Variants in NEURL4 observed in about 807,000 individuals in gnomAD.
NEURL4 encodes neuralized-like protein 4.
A neutral mutation model predicts 148.0 loss-of-function variants in NEURL4; 45 were observed. The observed-to-expected ratio is 0.30, with a 90% confidence interval of 0.24 to 0.39. The LOEUF (loss-of-function observed/expected upper bound fraction) is 0.39. Ranked by LOEUF, NEURL4 falls within the 10% of genes least tolerant of loss-of-function variation. The pLI is 1.00. For synonymous variants in NEURL4, 854 were observed against 869.0 expected, an observed-to-expected ratio of 0.98 and a Z score of 0.30; for missense variants, 1,776 against 2,144.0, an observed-to-expected ratio of 0.83 and a Z score of 3.39.
chr17:7,323,624 C>T (rs1419744462), intron 13 of NEURL4, 23 bp downstream of exon 13: 1 of 1,613,694 alleles, frequency 6.2e-7, no homozygotes, highest in South Asian at 1.1e-5. Context: ...CAACAGCCCC[C>T]AACACACACA....
In NEURL4 at chr17:7,325,260, C is replaced by G; in HGVS notation, c.1580G>C (p.Cys527Ser). Residue 527 changes from cysteine (C) to serine (S), a missense_variant, in exon 8 of 29, where the codon TGT becomes TCT. Physicochemically the swap from Cys to Ser is moderately radical, Grantham distance 112. Coordinates refer to ENST00000399464, the MANE Select transcript of NEURL4 (RefSeq NM_032442.3). ...GTGGGTGATGGCTGCCTTCTGCCCA[C>G]AGTTGGGGTGGAAGAGCAGGCGCTC... ...EPERLLFHPNCGQKAAITHEG... is the reference protein window; with the variant it reads ...EPERLLFHPNSGQKAAITHEG... The G allele has an allele frequency of 6.2e-7, 1 of 1,607,322 alleles. No homozygotes were observed. Among genetic ancestry groups the G allele is most frequent in the Non-Finnish European group, 8.5e-7 (1 of 1,177,674 alleles).
Position 7,317,377 on chromosome 17 carries a change from G to T in NEURL4, c.4319-7C>A, listed in dbSNP as rs1437206810. 1 of 1,586,002 alleles carries T rather than the reference G, an allele frequency of 6.3e-7. No homozygotes were observed. Among genetic ancestry groups the T allele is most frequent in the South Asian group, 1.1e-5 (1 of 87,010 alleles). On this transcript the variant is annotated splice_region_variant and splice_polypyrimidine_tract_variant and intron_variant, in intron 27 of 28. Transcript: ENST00000399464. ...CTCAGGATGGAGGCAGTACCTGGGA[G>T]GAGAACTGGGTCAGGATAGCCCTTT... is the stretch of plus-strand genomic sequence containing the variant.
In NEURL4 at chr17:7,321,599, G is replaced by A; in HGVS notation, c.3060C>T (p.Leu1020=). ...SSCEVRRDGQ[L]QRMNYGRNLE... ...GGTTCCGGCCATAGTTCATCCTCTG[G>A]AGCTGCCCATCACGCCTCACTTCAC... is the stretch of plus-strand genomic sequence containing the variant. The change falls in exon 18 of 29, where the codon CTC becomes CTT. Residue 1020 remains leucine, a synonymous_variant. Coordinates refer to ENST00000399464, the MANE Select transcript of NEURL4 (RefSeq NM_032442.3). The surrounding 1 kb of genome is among the most constrained non-coding windows in gnomAD (Gnocchi z 6.3). 1 of 1,613,992 alleles carries A rather than the reference G, an allele frequency of 6.2e-7. No individual in the cohort carries two copies. Among genetic ancestry groups the A allele is most frequent in the Non-Finnish European group, 8.5e-7 (1 of 1,180,012 alleles).
chr17:7,324,681 CTGAA>C lies in NEURL4; in HGVS notation c.1813+114_1813+117del, dbSNP rs1170466079. On this transcript the variant is annotated intron_variant, in intron 9 of 28. Transcript: ENST00000399464. This position sits in a 1 kb window ranked among gnomAD's most constrained non-coding sequence, Gnocchi z 5.9. ...CTGCCCACGGGACACTCTCTAGCCA[CTGAA>C]TGAGTGGTCACAAGAGTGACAAGTG... 6 of 1,232,410 alleles carry C rather than the reference CTGAA, an allele frequency of 4.9e-6. No individual in the cohort carries two copies. The East Asian group carries it at 1.2e-4, about 24-fold the overall frequency. The allele number at this position is 1,232,410 out of a possible 1,614,324, so 76.3% of individuals were successfully genotyped here.
chr17:7,327,066 C>T lies in NEURL4; in HGVS notation c.794-57G>A. The T allele has an allele frequency of 6.2e-7, 1 of 1,600,772 alleles. No homozygotes were observed. ...GAAGTTGGGATGAGGCTCTACACCC[C>T]CAGACCTGGTGCCTCTCTCCCTACC... On this transcript the variant is annotated intron_variant, in intron 3 of 28. Transcript: ENST00000399464. The surrounding 1 kb of genome is among the most constrained non-coding windows in gnomAD (Gnocchi z 6.6).
Position 7,322,802 on chromosome 17 carries a change from G to T in NEURL4, c.2658C>A (p.Gly886=). The stretch of plus-strand genomic sequence containing the variant: ...TGGTCGCCAGGCTGTTGTCCATGGG[G>T]CCGGTGGCATTGGTGATGGACACTT... ...CVQVSITNAT[G]PMDNSLATSN... Residue 886 remains glycine (G), a synonymous_variant, in exon 16 of 29, where the codon GGC becomes GGA. Transcript: ENST00000399464. This position sits in a 1 kb window ranked among gnomAD's most constrained non-coding sequence, Gnocchi z 5.5. 6 of 1,614,048 alleles carry T rather than the reference G, an allele frequency of 3.7e-6. No homozygotes were observed. The highest frequency in any genetic ancestry group is 5.1e-6 in the Non-Finnish European group (6 of 1,179,996).
At chr17:7,316,447 C>CCGA in intron 28 of NEURL4, 120 bp from the exon 29 acceptor site, 3 of 744,784 alleles carry the variant, frequency 4.0e-6, no homozygotes, top group Non-Finnish European at 6.7e-6. Context: ...CTTATGGGAA[C>CCGA]TTCGCTCTAG....
Position 7,321,311 on chromosome 17 carries a change from CAGA to C in NEURL4, c.3199-41_3199-39del, listed in dbSNP as rs1027966651. ...CAAGACCCAGAAAATCAGAGATCAG[CAGA>C]AGACCTCAACCATCCTCCCAGAACC... On this transcript the variant is annotated intron_variant, in intron 19 of 28. Transcript: ENST00000399464. This position sits in a 1 kb window ranked among gnomAD's most constrained non-coding sequence, Gnocchi z 6.3. 1.9e-6 allele frequency: 3 copies of C among 1,613,294 alleles called. No individual in the cohort carries two copies. The African/African-American group carries it at 4.0e-5, about 22-fold the overall frequency.
In NEURL4 at chr17:7,325,281, C is replaced by A. The variant is rs757076319; in HGVS notation, c.1559G>T (p.Arg520Leu). 1.2e-6 allele frequency: 2 copies of A among 1,608,166 alleles called. No homozygotes were observed. The highest frequency in any genetic ancestry group is 1.7e-6 in the Non-Finnish European group (2 of 1,177,778). Residue 520 changes from arginine to leucine, a missense_variant, in exon 8 of 29, where the codon CGC becomes CTC. Coordinates refer to ENST00000399464, the MANE Select transcript of NEURL4 (RefSeq NM_032442.3). ...AAPAAQAEPE[R>L]LLFHPNCGQK... ...CCCACAGTTGGGGTGGAAGAGCAGG[C>A]GCTCAGGTTCTGCCTGGGCGGCAGG...
chr17:7,325,302 G>A lies in NEURL4; in HGVS notation c.1538C>T (p.Ala513Val). The A allele has an allele frequency of 6.2e-7, 1 of 1,610,208 alleles. No homozygotes were observed. Among genetic ancestry groups the A allele is most frequent in the South Asian group, 1.1e-5 (1 of 90,896 alleles). ...PEGALRRAAP[A>V]AQAEPERLLF... Reference sequence around the variant, plus strand: ...CAGGCGCTCAGGTTCTGCCTGGGCGGCAGGGGCAGCACGGCGGAGAGCACC... The same window carrying A: ...CAGGCGCTCAGGTTCTGCCTGGGCGACAGGGGCAGCACGGCGGAGAGCACC... Residue 513 changes from alanine (A) to valine (V), a missense_variant, in exon 8 of 29, where the codon GCC becomes GTC. Ala to Val is a moderately conservative substitution (Grantham distance 64, BLOSUM62 0). Transcript: ENST00000399464.
At chr17:7,325,163 C>CCCCCCCCCA in intron 8 of NEURL4, 46 bp downstream of exon 8, 1 of 608,028 alleles carries the variant, frequency 1.6e-6, no homozygotes, top group Non-Finnish European at 2.7e-6. Flanking sequence ...CCCCCCCCCC[C>CCCCCCCCCA]ATTAGAATCC....
rs779328804 is a variant in NEURL4, at chr17:7,319,145, C to T, written c.3589G>A (p.Ala1197Thr). The T allele has an allele frequency of 1.5e-5, 24 of 1,613,976 alleles. No homozygotes were observed. Among genetic ancestry groups the T allele is most frequent in the Middle Eastern group, 1.6e-4 (1 of 6,084 alleles). Residue 1197 changes from alanine to threonine, a missense_variant, in exon 22 of 29, where the codon GCG becomes ACG. Transcript: ENST00000399464. The part of the protein sequence containing the change: ...SSLVLGVITC[A>T]PERLNFPASA... ...GCAGGGAAGTTGAGCCTCTCAGGCGCGCAGGTGATGACTCCCAGGACAAGG... is the reference window on the plus strand; with the variant it reads ...GCAGGGAAGTTGAGCCTCTCAGGCGTGCAGGTGATGACTCCCAGGACAAGG...
Position 7,321,133 on chromosome 17 carries a change from C to G in NEURL4, c.3339G>C (p.Glu1113Asp). ...TTACTCCCAGGCCATGCTCCTCGCC[C>G]TCGTCATCCTCCTCGCCCTCACTGC... The part of the protein sequence containing the change: ...DTGSEGEEDD[E>D]GEEHGLGGQN... Residue 1113 changes from glutamate (E) to aspartate (D), a missense_variant, in exon 20 of 29, where the codon GAG becomes GAC. Physicochemically the swap from Glu to Asp is conservative, Grantham distance 45 (BLOSUM62 2). Transcript: ENST00000399464. The surrounding 1 kb of genome is among the most constrained non-coding windows in gnomAD (Gnocchi z 6.3). The G allele has an allele frequency of 6.2e-7, 1 of 1,613,804 alleles. No individual in the cohort carries two copies.
At position 7,319,164 on chromosome 17, in the gene NEURL4, G is replaced by A; in HGVS notation, c.3570C>T (p.Val1190=). 6.2e-7 allele frequency: 1 copy of A among 1,613,884 alleles called. No homozygotes were observed. The highest frequency in any genetic ancestry group is 1.1e-5 in the South Asian group (1 of 91,078). ...FLNRQWTSSL[V]LGVITCAPER... is the part of the protein sequence containing the mutation. ...CAGGCGCGCAGGTGATGACTCCCAGGACAAGGGAAGATGTCCACTGTCGGT... is the reference window on the plus strand; with the variant it reads ...CAGGCGCGCAGGTGATGACTCCCAGAACAAGGGAAGATGTCCACTGTCGGT... The change falls in exon 22 of 29, where the codon GTC becomes GTT. Residue 1190 remains valine, a synonymous_variant. Transcript: ENST00000399464.
At position 7,327,326 on chromosome 17, in the gene NEURL4, C is replaced by T; in HGVS notation, c.728-96G>A. The T allele has an allele frequency of 6.9e-7, 1 of 1,449,260 alleles. No homozygotes were observed. The highest frequency in any genetic ancestry group is 9.3e-7 in the Non-Finnish European group (1 of 1,073,688). 89.8% of individuals were successfully genotyped at this position (1,449,260 alleles called of 1,614,324 possible). On this transcript the variant is annotated intron_variant, in intron 2 of 28. Coordinates refer to ENST00000399464, the MANE Select transcript of NEURL4 (RefSeq NM_032442.3). The surrounding 1 kb of genome is among the most constrained non-coding windows in gnomAD (Gnocchi z 6.6). ...CCCCCATCCTCTAGCTCCTGCTCTC[C>T]CATTCAACAGACTTGGGGATCAGGG...
At chr17:7,316,919 AAAAAAT>A (rs920164257) in intron 28 of NEURL4, among the ~76,000 whole-genome samples, 9 of 152,180 alleles carry the variant, frequency 5.9e-5, no homozygotes, top group Non-Finnish European at 8.8e-5. Flanking sequence ...TCCGTCTCAA[AAAAAAT>A]AAAAATAAAA....
chr17:7,317,967 G>A (rs2072973309), intron 25 of NEURL4, 35 bp from the exon 26 acceptor site: 1 of 1,613,730 alleles, frequency 6.2e-7, no homozygotes. Context: ...TGGTGCTGTG[G>A]CTCCCACCTC....
In NEURL4 at chr17:7,318,048, C is replaced by T. The variant is rs765372222; in HGVS notation, c.4060+17G>A. 5.0e-6 allele frequency: 8 copies of T among 1,613,646 alleles called. No individual in the cohort carries two copies. Among genetic ancestry groups the T allele is most frequent in the Admixed American group, 1.7e-5 (1 of 60,036 alleles). On this transcript the variant is annotated intron_variant, in intron 25 of 28. Coordinates refer to ENST00000399464, the MANE Select transcript of NEURL4 (RefSeq NM_032442.3). This position sits in a 1 kb window ranked among gnomAD's most constrained non-coding sequence, Gnocchi z 4.3. ...GCCCTGGGAATGAAGTCAGTTCTGG[C>T]GGACTGTGGGACTCACCGGGAAGCA...
At position 7,329,172 on chromosome 17, in the gene NEURL4, G is replaced by A; in HGVS notation, c.141C>T (p.Arg47=). 1 of 1,598,202 alleles carries A rather than the reference G, an allele frequency of 6.3e-7. No homozygotes were observed. The highest frequency in any genetic ancestry group is 2.2e-5 in the East Asian group (1 of 44,458). The change falls in exon 1 of 29, where the codon CGC becomes CGT. Residue 47 remains arginine, a synonymous_variant. Coordinates refer to ENST00000399464, the MANE Select transcript of NEURL4 (RefSeq NM_032442.3). ...CCGACAGGCTCACCAAGCGCCCAGT[G>A]CGCGGGTGCAGTTCCCCGCCGCTGC... ...GLGSGGELHP[R]TGRLVSLSAC... is the part of the protein sequence containing the mutation.
Sources: allele counts gnomAD v4.1 joint callset (sites outside exome capture counted in the v4.1 genomes callset), GRCh38; gene constraint gnomAD v4.1.1; non-coding constraint Gnocchi (gnomAD v3.1); transcripts MANE v1.5; gene names NCBI Gene and HGNC (gene_info 2026-07-23, HGNC 2026-07-21).